The following QRSL1 variants were observed in gnomAD, a reference collection of about 807,000 sequenced individuals.
The protein encoded by QRSL1 is glutaminyl-tRNA amidotransferase subunit QRSL1.
Under a neutral mutation model 61.6 loss-of-function variants are expected in QRSL1, and 54 were observed. The observed-to-expected ratio is 0.88, with a 90% CI of 0.70 to 1.10. The LOEUF is 1.10. Among genes scored for constraint, QRSL1 ranks in the 50% least tolerant of loss-of-function variants. The pLI, the probability that QRSL1 is intolerant of heterozygous loss-of-function variation, is 0.00. For synonymous variants in QRSL1, 228 were observed against 225.7 expected (o/e 1.01, Z -0.09); for missense variants, 505 against 622.6 (o/e 0.81, Z 2.01).
rs112408577 is a variant in QRSL1, at chr6:106,643,680, C to CA, written c.380+605dup. ...GGGCTACAAGAGTGCAACTCTGTCT[C>CA]AAAAAAAAAAAAAAAGAATTCTTTC... is the stretch of plus-strand genomic sequence containing the variant. On this transcript the variant is annotated intron_variant, in intron 4 of 10. Transcript: ENST00000369046. Among the ~76,000 whole-genome samples, 453 of 112,570 alleles carry CA rather than the reference C, an allele frequency of 4.0e-3. 4 individuals carry two copies. Among genetic ancestry groups the CA allele is most frequent in the Middle Eastern group, 0.01 (2 of 200 alleles). 73.9% of individuals were successfully genotyped at this position (112,570 alleles called of 152,430 possible). A position where few individuals can be genotyped will look rare whatever the true frequency, so the allele number is the denominator to read the frequency against.
chr6:106,666,347 C>T lies in QRSL1; in HGVS notation c.*345C>T, dbSNP rs1296981773. On this transcript the variant is annotated 3_prime_UTR_variant, in exon 11 of 11. Transcript: ENST00000369046. ...AAATAAATAAAATAAAATAAAATGA[C>T]GTACAGAGATTCTATATTCTAGAGA... 2.1e-5 allele frequency: 5 copies of T among 240,622 alleles called. No homozygotes were observed. The highest frequency in any genetic ancestry group is 1.1e-4 in the East Asian group (1 of 9,138). 14.9% of individuals were successfully genotyped at this position (240,622 alleles called of 1,614,324 possible). A position where few individuals can be genotyped will look rare whatever the true frequency, so the allele number is the denominator to read the frequency against.
In QRSL1 at chr6:106,643,084, C is replaced by G. The variant is rs1352008353; in HGVS notation, c.374C>G (p.Ala125Gly). The G allele has an allele frequency of 1.3e-6, 2 of 1,594,452 alleles. No homozygotes were observed. Among genetic ancestry groups the G allele is most frequent in the Non-Finnish European group, 1.7e-6 (2 of 1,165,680 alleles). The change falls in exon 4 of 11, where the codon GCT becomes GGT. Residue 125 changes from alanine (A) to glycine (G), a missense_variant. Physicochemically the swap from Ala to Gly is moderately conservative, Grantham distance 60. Transcript: ENST00000369046. ...LMGKTNLDEFAMGSGSTDGVF... is the reference protein window; with the variant it reads ...LMGKTNLDEFGMGSGSTDGVF... ...GGAAAAACAAATTTAGATGAGTTTG[C>G]TATGGGGTAAGTAAAATTGAAATCT...
intron 1 of QRSL1, among the ~76,000 whole-genome samples, chr6:106,632,019 T>G (rs1453191566): frequency 6.6e-6 from 1 of 152,192 alleles, no homozygotes; most frequent in African/African-American, 2.4e-5. Context: ...CGAGGTCAAT[T>G]GTTTTCATTT....
intron 1 of QRSL1, 95 bp downstream of exon 1, chr6:106,629,800 C>T: frequency 1.4e-6 from 2 of 1,463,402 alleles, no homozygotes; most frequent in Non-Finnish European, 9.3e-7. Context: ...CGCATCTTGG[C>T]CCACCTCGCT....
Position 106,629,627 on chromosome 6 carries a change from G to A in QRSL1, c.-55G>A, listed in dbSNP as rs2054365. On this transcript the variant is annotated 5_prime_UTR_variant, in exon 1 of 11. Coordinates refer to ENST00000369046, the MANE Select transcript of QRSL1 (RefSeq NM_018292.5). ...CCATGTAACATCACTAGCGACCGGT[G>A]ACCTCTTTTTCCCCCTTGCCTGGCT... 596,746 of 1,569,286 alleles carry A rather than the reference G, an allele frequency of 0.38. 118,536 individuals are homozygous for A. Among genetic ancestry groups the A allele is most frequent in the Non-Finnish European group, 0.41 (477,435 of 1,157,980 alleles).
intron 9 of QRSL1, among the ~76,000 whole-genome samples, chr6:106,655,973 T>G (rs1296581046): frequency 6.6e-6 from 1 of 152,192 alleles, no homozygotes; most frequent in Non-Finnish European, 1.5e-5. Flanking sequence ...TTTTGCAACC[T>G]TGGATTCAAC....
chr6:106,655,625 T>G lies in QRSL1; in HGVS notation c.1053T>G (p.Cys351Trp), dbSNP rs1777257302. ...RFDGLQYGHR[C>W]DIDVSTEAMY... ...TTTTCTTGTTTTCAGGTCACAGATG[T>G]GACATTGATGTGTCCACTGAAGCCA... The change falls in exon 9 of 11, where the codon TGT becomes TGG. Residue 351 changes from cysteine (C) to tryptophan (W), a missense_variant. By Grantham distance (215) the Cys-to-Trp change is radical (BLOSUM62 -2). Coordinates refer to ENST00000369046, the MANE Select transcript of QRSL1 (RefSeq NM_018292.5). The G allele has an allele frequency of 6.2e-7, 1 of 1,608,898 alleles. No individual in the cohort carries two copies. The highest frequency in any genetic ancestry group is 8.5e-7 in the Non-Finnish European group (1 of 1,176,084).
At chr6:106,645,583 C>T (rs1045962407) in intron 4 of QRSL1, among the ~76,000 whole-genome samples, 1 of 151,936 alleles carries the variant, frequency 6.6e-6, no homozygotes, top group Non-Finnish European at 1.5e-5. Context: ...CCACCACGCC[C>T]GGCTAATTTT....
chr6:106,638,316 T>C (rs13199808), intron 1 of QRSL1, among the ~76,000 whole-genome samples: 1 of 148,362 alleles, frequency 6.7e-6, no homozygotes, highest in African/African-American at 2.5e-5. Context: ...TTTTTTTTTC[T>C]TTTTTGAGAC....
chr6:106,657,687 A>G (rs1777292857), intron 9 of QRSL1, among the ~76,000 whole-genome samples: 1 of 152,146 alleles, frequency 6.6e-6, no homozygotes, highest in African/African-American at 2.4e-5. Flanking sequence ...TTAAAAAGTC[A>G]ACTTATGTGC....
chr6:106,649,475 G>A (rs1811546), intron 5 of QRSL1, among the ~76,000 whole-genome samples: 64,382 of 151,778 alleles, frequency 0.42, 14,354 homozygotes, highest in Non-Finnish European at 0.51. Context: ...ATAAAGCATC[G>A]AACATAAATG....
intron 4 of QRSL1, among the ~76,000 whole-genome samples, chr6:106,645,024 G>GT (rs200154446): frequency 0.024 from 3,575 of 152,084 alleles, 144 homozygotes; most frequent in Admixed American, 0.11. Context: ...ATGATCTTAG[G>GT]TTTTTTTGTC....
At chr6:106,647,859 C>G (rs189608181) in intron 4 of QRSL1, among the ~76,000 whole-genome samples, 11,476 of 149,322 alleles carry the variant, frequency 0.077, 534 homozygotes, top group East Asian at 0.11. Context: ...ACCGTGTTAT[C>G]CAGGATGGTC....
chr6:106,653,839 A>AG (rs1777222252), intron 7 of QRSL1: 1 of 152,038 alleles, frequency 6.6e-6, no homozygotes, highest in African/African-American at 2.4e-5. Context: ...AAAAAAAAAA[A>AG]AAAGAAGGCA....
chr6:106,657,964 A>T (rs1460486038), intron 9 of QRSL1, among the ~76,000 whole-genome samples: 3 of 152,122 alleles, frequency 2.0e-5, no homozygotes, highest in African/African-American at 7.2e-5. Context: ...CAGCCTCCCA[A>T]AGTGCTGGGA....
chr6:106,654,685 TA>T lies in QRSL1; in HGVS notation c.850-43del, dbSNP rs1421154888. On this transcript the variant is annotated intron_variant, in intron 7 of 10. Coordinates refer to ENST00000369046, the MANE Select transcript of QRSL1 (RefSeq NM_018292.5). ...AGATGAAGTACAAATTTTTATAAAATAATCTATACAGTTCCAATTTTGTATC... is the reference window on the plus strand; with the variant it reads ...AGATGAAGTACAAATTTTTATAAAATATCTATACAGTTCCAATTTTGTATC... 4 of 1,487,908 alleles carry T rather than the reference TA, an allele frequency of 2.7e-6. No homozygotes were observed. The East Asian group carries it at 9.3e-5, about 35-fold the overall frequency. The allele number at this position is 1,487,908 out of a possible 1,614,324, so 92.2% of individuals were successfully genotyped here.
Position 106,667,179 on chromosome 6 carries a change from C to G in QRSL1, c.*1177C>G, listed in dbSNP as rs1278923590. On this transcript the variant is annotated 3_prime_UTR_variant, in exon 11 of 11. Transcript: ENST00000369046. ...TCAAAATACACAAGTAACATACACTCTGAAAAACATGCAGATAATTTGCTG... is the reference window on the plus strand; with the variant it reads ...TCAAAATACACAAGTAACATACACTGTGAAAAACATGCAGATAATTTGCTG... 6.6e-6 allele frequency: 1 copy of G among 152,228 alleles called. No individual in the cohort carries two copies. The highest frequency in any genetic ancestry group is 2.4e-5 in the African/African-American group (1 of 41,466). The allele number at this position is 152,228 out of a possible 1,614,324, so 9.4% of individuals were successfully genotyped here. A position where few individuals can be genotyped will look rare whatever the true frequency, so the allele number is the denominator to read the frequency against.
rs1356907319 is a variant in QRSL1, at chr6:106,668,171, T to TACATGAGC, written c.*2169_*2170insACATGAGC. 1 of 152,212 alleles carries TACATGAGC rather than the reference T, an allele frequency of 6.6e-6. No homozygotes were observed. Among genetic ancestry groups the TACATGAGC allele is most frequent in the Non-Finnish European group, 1.5e-5 (1 of 68,040 alleles). 9.4% of individuals were successfully genotyped at this position (152,212 alleles called of 1,614,324 possible). A position where few individuals can be genotyped will look rare whatever the true frequency, so the allele number is the denominator to read the frequency against. On this transcript the variant is annotated 3_prime_UTR_variant, in exon 11 of 11. Transcript: ENST00000369046. ...ATTATTTCAAATAATATTAAATCTCTTGTTCCTGTATCTCTACATGAGCTG... is the reference window on the plus strand; with the variant it reads ...ATTATTTCAAATAATATTAAATCTCTACATGAGCTGTTCCTGTATCTCTACATGAGCTG...
chr6:106,658,089 C>T (rs927090635), intron 9 of QRSL1, among the ~76,000 whole-genome samples: 3 of 152,072 alleles, frequency 2.0e-5, no homozygotes, highest in African/African-American at 4.8e-5. Flanking sequence ...CTGTTTGTCC[C>T]ATCTGTTCTT....
Sources: allele counts gnomAD v4.1 joint callset (sites outside exome capture counted in the v4.1 genomes callset), GRCh38; gene constraint gnomAD v4.1.1; transcripts MANE v1.5; gene names NCBI Gene and HGNC (gene_info 2026-07-23, HGNC 2026-07-21).